Variants in TSHR observed in about 807,000 individuals in gnomAD.
The protein encoded by TSHR is thyroid stimulating hormone receptor.
A neutral mutation model predicts 64.1 loss-of-function variants in TSHR; 51 were observed. That is an observed-to-expected ratio of 0.80 (90% CI 0.64 to 1.01). The LOEUF (loss-of-function observed/expected upper bound fraction) is 1.01, where lower values mean the gene tolerates loss of function less well. Among genes scored for constraint, TSHR ranks in the 50% least tolerant of loss-of-function variants. TSHR has a pLI of 0.00. For missense variants in TSHR, 877 were observed against 942.8 expected (o/e 0.93, Z 0.91); for synonymous variants, 361 against 361.9 (o/e 1.00, Z 0.03).
intron 1 of TSHR, chr14:80,994,741 A>G (rs997265563): frequency 6.6e-6 from 1 of 152,270 alleles, no homozygotes; most frequent in Non-Finnish European, 1.5e-5. Flanking sequence ...AAGATGGATT[A>G]AAGACTTAAA....
At chr14:81,007,576 C>T (rs1343477397) in intron 1 of TSHR, among the ~76,000 whole-genome samples, 1 of 152,226 alleles carries the variant, frequency 6.6e-6, no homozygotes, top group Non-Finnish European at 1.5e-5. Flanking sequence ...CATGTCCTAT[C>T]ACTGATGTTG....
At chr14:81,137,626 A>G (rs920003272) in intron 8 of TSHR, among the ~76,000 whole-genome samples, 3 of 152,230 alleles carry the variant, frequency 2.0e-5, no homozygotes, top group African/African-American at 7.2e-5. Flanking sequence ...ATCACAGAAC[A>G]GAGACAACCT....
intron 1 of TSHR, among the ~76,000 whole-genome samples, chr14:80,998,227 C>T (rs1292063995): frequency 6.6e-6 from 1 of 152,134 alleles, no homozygotes; most frequent in Non-Finnish European, 1.5e-5. Context: ...AGAAAAGTCA[C>T]AGTGTGTGTG....
rs1325722817 is a variant in TSHR at position 81,103,988 on chromosome 14, T to C, written c.615-4387T>C. The C allele has an allele frequency of 2.0e-6, 2 of 985,312 alleles. No individual in the cohort carries two copies. Among genetic ancestry groups the C allele is most frequent in the Non-Finnish European group, 2.4e-6 (2 of 829,932 alleles). 61.0% of individuals were successfully genotyped at this position (985,312 alleles called of 1,614,324 possible). On this transcript the variant is annotated intron_variant, in intron 7 of 9. Coordinates refer to ENST00000298171, the MANE Select transcript of TSHR (RefSeq NM_000369.5). This position sits in a 1 kb window ranked among gnomAD's most constrained non-coding sequence, Gnocchi z 4.1. ...CTAATTAGCATCATGCATTAGCTGATTCGAAGTAAAACACCACATCTTGGC... is the reference window on the plus strand; with the variant it reads ...CTAATTAGCATCATGCATTAGCTGACTCGAAGTAAAACACCACATCTTGGC...
At chr14:81,045,316 T>C (rs1278469487) in intron 1 of TSHR, among the ~76,000 whole-genome samples, 1 of 152,200 alleles carries the variant, frequency 6.6e-6, no homozygotes, top group Non-Finnish European at 1.5e-5. Flanking sequence ...TTGGGAAGAT[T>C]GGTATTAGTT....
intron 1 of TSHR, among the ~76,000 whole-genome samples, chr14:81,058,035 T>C (rs193151576): frequency 1.3e-5 from 2 of 152,384 alleles, no homozygotes; most frequent in East Asian, 3.9e-4. Flanking sequence ...CCTAGTATCA[T>C]GCAAGATTAC....
chr14:81,033,242 TC>T, intron 1 of TSHR: 1 of 476,842 alleles, frequency 2.1e-6, no homozygotes, highest in Admixed American at 2.5e-5. Context: ...GGCCAGAGCA[TC>T]CACTACTTGG....
At chr14:80,998,342 A>G (rs1303346878) in intron 1 of TSHR, among the ~76,000 whole-genome samples, 1 of 152,130 alleles carries the variant, frequency 6.6e-6, no homozygotes, top group Non-Finnish European at 1.5e-5. Flanking sequence ...GGTGCTGGAA[A>G]TCGAATGCTG....
chr14:81,014,878 C>T (rs920039397), intron 1 of TSHR, among the ~76,000 whole-genome samples: 9 of 152,144 alleles, frequency 5.9e-5, no homozygotes, highest in Admixed American at 2.0e-4. Flanking sequence ...TCACGAGTGT[C>T]CAGAAGAACA....
intron 1 of TSHR, among the ~76,000 whole-genome samples, chr14:81,005,569 T>C (rs1889560426): frequency 6.6e-6 from 1 of 152,164 alleles, no homozygotes; most frequent in Non-Finnish European, 1.5e-5. Context: ...ACAATCAATA[T>C]TGTTCACAGG....
At chr14:80,961,053 G>A (rs896328591) in intron 1 of TSHR, among the ~76,000 whole-genome samples, 1 of 152,232 alleles carries the variant, frequency 6.6e-6, no homozygotes, top group Non-Finnish European at 1.5e-5. Flanking sequence ...GGAAGAGAAA[G>A]GTGGTCACCC....
At chr14:80,982,523 G>C in intron 1 of TSHR, 1 of 1,024,618 alleles carries the variant, frequency 9.8e-7, no homozygotes, top group Non-Finnish European at 1.4e-6. Context: ...AACTGGTTTT[G>C]GGAAGGAGAT....
rs112929316 is a variant in TSHR at position 81,001,797 on chromosome 14, AT to A, written c.170+45951del. Reference sequence around the variant, plus strand: ...TTCTGGGTCGAGTGAACAGAAAACTATTTTCACAGATCACCTCAGGCCACTT... The same window carrying A: ...TTCTGGGTCGAGTGAACAGAAAACTATTTCACAGATCACCTCAGGCCACTT... On this transcript the variant is annotated intron_variant, in intron 1 of 9. Coordinates refer to ENST00000298171, the MANE Select transcript of TSHR (RefSeq NM_000369.5). 3.6e-3 allele frequency: 1,192 copies of A among 327,206 alleles called. 16 individuals are homozygous for A. The highest frequency in any genetic ancestry group is 0.024 in the African/African-American group (1,094 of 46,366). The allele number at this position is 327,206 out of a possible 1,614,324, so 20.3% of individuals were successfully genotyped here. A position where few individuals can be genotyped will look rare whatever the true frequency, so the allele number is the denominator to read the frequency against.
At chr14:81,047,143 A>G (rs1885202499) in intron 1 of TSHR, among the ~76,000 whole-genome samples, 1 of 152,248 alleles carries the variant, frequency 6.6e-6, no homozygotes, top group Non-Finnish European at 1.5e-5. Context: ...TAGTGGGTAG[A>G]AAATATGTGG....
chr14:80,983,568 G>A, intron 1 of TSHR: 1 of 1,166,026 alleles, frequency 8.6e-7, no homozygotes. Flanking sequence ...AATTGTAGTT[G>A]TTGATCACTT....
chr14:81,065,038 T>C (rs1886511071), intron 2 of TSHR, among the ~76,000 whole-genome samples: 1 of 152,106 alleles, frequency 6.6e-6, no homozygotes, highest in African/African-American at 2.4e-5. Flanking sequence ...ACAGACACTT[T>C]GAAGGGTGAC....
At chr14:81,084,198 T>C (rs543621202) in intron 3 of TSHR, among the ~76,000 whole-genome samples, 53 of 152,202 alleles carry the variant, frequency 3.5e-4, no homozygotes, top group Non-Finnish European at 6.9e-4. Context: ...TTAAGAGCCT[T>C]GCATATTTCC....
intron 1 of TSHR, among the ~76,000 whole-genome samples, chr14:80,960,650 T>C (rs1209788032): frequency 6.6e-6 from 1 of 152,214 alleles, no homozygotes; most frequent in Non-Finnish European, 1.5e-5. Context: ...TGTGTATATA[T>C]ATTTAGACAG....
At chr14:81,062,844 C>A (rs904459836) in intron 2 of TSHR, among the ~76,000 whole-genome samples, 1 of 152,074 alleles carries the variant, frequency 6.6e-6, no homozygotes, top group Non-Finnish European at 1.5e-5. Flanking sequence ...TTCAGGCATG[C>A]GAAATAATAT....
Sources: gnomAD v4.1 joint callset for allele counts (sites outside exome capture counted in the v4.1 genomes callset) on GRCh38, gnomAD v4.1.1 for gene constraint, Gnocchi (gnomAD v3.1) non-coding constraint, MANE v1.5 for transcripts, NCBI Gene and HGNC (gene_info 2026-07-23, HGNC 2026-07-21) for gene names.